Variants in GRIP1 observed in about 807,000 individuals in gnomAD.
The protein encoded by GRIP1 is glutamate receptor interacting protein 1.
GRIP1 carries 45 observed loss-of-function variants against 129.9 expected under a neutral mutation model. That is an observed-to-expected ratio of 0.35 (90% CI 0.27 to 0.44). The LOEUF is 0.44. Among genes scored for constraint, GRIP1 ranks in the 20% least tolerant of loss-of-function variants. The probability of loss-of-function intolerance (pLI) is 1.00; values close to 1 mark genes in which losing one functional copy is unlikely to be tolerated. For missense variants in GRIP1, 1,196 were observed against 1,396.8 expected (o/e 0.86, Z 2.29); for synonymous variants, 530 against 520.8 (o/e 1.02, Z -0.24).
intron 9 of GRIP1, among the ~76,000 whole-genome samples, chr12:66,458,724 C>A (rs551506658): frequency 1.3e-5 from 2 of 152,366 alleles, no homozygotes; most frequent in African/African-American, 4.8e-5. Flanking sequence ...AAGGCAGCCC[C>A]TGCCTATCTC....
chr12:66,608,588 TCC>T (rs1224777837), intron 1 of GRIP1, among the ~76,000 whole-genome samples: 1 of 152,100 alleles, frequency 6.6e-6, no homozygotes, highest in East Asian at 1.9e-4. Flanking sequence ...AGCCTCAACC[TCC>T]CAAAGTGCTG....
At chr12:67,051,263 T>C (rs562569432) in intron 1 of GRIP1, among the ~76,000 whole-genome samples, 127 of 152,238 alleles carry the variant, frequency 8.3e-4, no homozygotes, top group Non-Finnish European at 1.6e-3. Flanking sequence ...CCATGGATGC[T>C]AGTCACTTGC....
chr12:66,395,801 T>TA (rs1407734695), intron 16 of GRIP1, among the ~76,000 whole-genome samples: 1 of 152,242 alleles, frequency 6.6e-6, no homozygotes, highest in Admixed American at 6.5e-5. Flanking sequence ...GAAGCTCCCA[T>TA]ATCAAGCCTA....
intron 1 of GRIP1, among the ~76,000 whole-genome samples, chr12:67,063,087 A>C (rs2043562914): frequency 6.6e-6 from 1 of 152,220 alleles, no homozygotes; most frequent in Non-Finnish European, 1.5e-5. Context: ...CATGACATAG[A>C]TATTTCTTGT....
At chr12:66,511,562 C>A (rs1444918874) in intron 7 of GRIP1, among the ~76,000 whole-genome samples, 1 of 152,154 alleles carries the variant, frequency 6.6e-6, no homozygotes, top group Non-Finnish European at 1.5e-5. Context: ...TTCCATACCA[C>A]AGTTGTAGAG....
chr12:66,367,761 G>A (rs1041844897), intron 23 of GRIP1, among the ~76,000 whole-genome samples: 12 of 152,168 alleles, frequency 7.9e-5, no homozygotes, highest in African/African-American at 2.7e-4. Flanking sequence ...ATTTCAGACT[G>A]TGCATCCCAG....
intron 1 of GRIP1, among the ~76,000 whole-genome samples, chr12:66,856,323 A>G (rs1028697564): frequency 6.6e-6 from 1 of 152,158 alleles, no homozygotes; most frequent in Non-Finnish European, 1.5e-5. Flanking sequence ...CAAGGACTTC[A>G]TGTCTAAAAC....
At chr12:66,427,533 T>TGATTG (rs2058024247) in intron 14 of GRIP1, among the ~76,000 whole-genome samples, 1 of 152,184 alleles carries the variant, frequency 6.6e-6, no homozygotes, top group East Asian at 1.9e-4. Context: ...AACAATAGTT[T>TGATTG]CCCAAGCAAG....
At chr12:66,418,123 A>C (rs2057674601) in intron 15 of GRIP1, among the ~76,000 whole-genome samples, 1 of 152,248 alleles carries the variant, frequency 6.6e-6, no homozygotes. Context: ...GAGAACCCAG[A>C]AACAAATCCA....
chr12:66,646,834 T>C (rs1467146789), intron 1 of GRIP1, among the ~76,000 whole-genome samples: 2 of 152,140 alleles, frequency 1.3e-5, no homozygotes, highest in Non-Finnish European at 2.9e-5. Flanking sequence ...AGGTGAGTGC[T>C]GAAAGGAGTA....
At chr12:66,904,435 G>A (rs556229378) in intron 1 of GRIP1, among the ~76,000 whole-genome samples, 82 of 152,260 alleles carry the variant, frequency 5.4e-4, no homozygotes, top group African/African-American at 1.9e-3. Context: ...GGCTGATGGT[G>A]TTTTCAATTA....
At chr12:66,577,561 A>G (rs115632151) in intron 2 of GRIP1, among the ~76,000 whole-genome samples, 1,988 of 152,294 alleles carry the variant, frequency 0.013, 47 homozygotes, top group African/African-American at 0.046. Flanking sequence ...ATCCTAAGGC[A>G]GGTGATGAAA....
At chr12:66,447,555 A>G (rs889274335) in intron 11 of GRIP1, among the ~76,000 whole-genome samples, 4 of 152,024 alleles carry the variant, frequency 2.6e-5, no homozygotes, top group Admixed American at 6.6e-5. Context: ...TTTAGCCTCA[A>G]TTTCTCTTTA....
chr12:66,840,842 A>AGCC (rs1764960614), intron 1 of GRIP1, among the ~76,000 whole-genome samples: 1 of 152,204 alleles, frequency 6.6e-6, no homozygotes, highest in Non-Finnish European at 1.5e-5. Context: ...ATGCACAGAC[A>AGCC]GCCCAGTGAG....
intron 2 of GRIP1, chr12:66,567,830 A>G: frequency 5.5e-6 from 1 of 182,452 alleles, no homozygotes; most frequent in Admixed American, 5.4e-5. Flanking sequence ...TTGCACTATC[A>G]CCAGTTTTGG....
intron 1 of GRIP1, among the ~76,000 whole-genome samples, chr12:66,990,091 G>A (rs1566108260): frequency 6.6e-6 from 1 of 152,194 alleles, no homozygotes; most frequent in African/African-American, 2.4e-5. Flanking sequence ...TGGTACATAA[G>A]AAGGATGAAG....
intron 1 of GRIP1, among the ~76,000 whole-genome samples, chr12:66,721,822 C>T (rs971178348): frequency 1.3e-5 from 2 of 152,240 alleles, no homozygotes; most frequent in African/African-American, 2.4e-5. Context: ...GCAGCTTCCA[C>T]ATCAGCACTT....
intron 1 of GRIP1, among the ~76,000 whole-genome samples, chr12:66,614,531 C>T (rs1454570724): frequency 6.6e-6 from 1 of 152,062 alleles, no homozygotes; most frequent in East Asian, 1.9e-4. Context: ...CTGTTACCAC[C>T]CTGGTCGATG....
At chr12:66,810,526 C>T (rs2039082906) in intron 1 of GRIP1, among the ~76,000 whole-genome samples, 1 of 152,118 alleles carries the variant, frequency 6.6e-6, no homozygotes, top group South Asian at 2.1e-4. Context: ...CACTGCACTC[C>T]AGCCTGGGCA....
Sources: gnomAD v4.1 joint callset for allele counts (sites outside exome capture counted in the v4.1 genomes callset) on GRCh38, gnomAD v4.1.1 for gene constraint, MANE v1.5 for transcripts, NCBI Gene and HGNC (gene_info 2026-07-23, HGNC 2026-07-21) for gene names.